Variants in DNAL1 observed in about 807,000 individuals in gnomAD.
DNAL1 encodes the protein dynein axonemal light chain 1.
In DNAL1, 17 loss-of-function variants were observed where a neutral mutation model predicts 29.4. The ratio of observed to expected loss-of-function variants is 0.58; its 90% CI spans 0.40 to 0.87. DNAL1 has a LOEUF of 0.87. Among genes scored for constraint, DNAL1 ranks in the 40% least tolerant of loss-of-function variants. The probability of loss-of-function intolerance (pLI) is 0.00; values close to 1 mark genes in which losing one functional copy is unlikely to be tolerated. For missense variants in DNAL1, 188 were observed against 214.1 expected, an observed-to-expected ratio of 0.88 and a Z score of 0.76; for synonymous variants, 78 against 76.3, an observed-to-expected ratio of 1.02 and a Z score of -0.12.
At chr14:73,665,740 G>A (rs1200160806) in intron 4 of DNAL1, among the ~76,000 whole-genome samples, 1 of 151,342 alleles carries the variant, frequency 6.6e-6, no homozygotes, top group African/African-American at 2.4e-5. Context: ...GCAGTGAGCT[G>A]AGATCACGCT....
At chr14:73,645,809 C>A (rs1387361077) in intron 1 of DNAL1, among the ~76,000 whole-genome samples, 2 of 152,176 alleles carry the variant, frequency 1.3e-5, no homozygotes, top group South Asian at 2.1e-4. Context: ...TCAACTCTTA[C>A]TTGATGTGTT....
At chr14:73,677,990 G>A (rs1235456488) in intron 5 of DNAL1, among the ~76,000 whole-genome samples, 3 of 151,136 alleles carry the variant, frequency 2.0e-5, no homozygotes, top group Non-Finnish European at 4.4e-5. Flanking sequence ...TCGACCTCCT[G>A]GGCTTAAGTG....
intron 5 of DNAL1, among the ~76,000 whole-genome samples, chr14:73,685,220 A>T (rs1027318620): frequency 1.3e-5 from 2 of 151,856 alleles, no homozygotes; most frequent in South Asian, 2.1e-4. Context: ...CATCTCCAGA[A>T]CTCTCTTCAT....
At position 73,700,973 on chromosome 14, in the gene DNAL1, A is replaced by G. The variant is rs953250013; in HGVS notation, c.*5031A>G. The stretch of plus-strand genomic sequence containing the variant: ...AAATCAAGGGTCATGTTTTAAAATC[A>G]TGGAACTTTTAGAAATACCATATCT... On this transcript the variant is annotated 3_prime_UTR_variant, in exon 8 of 8. Transcript: ENST00000553645. 2 of 152,226 alleles carry G rather than the reference A, an allele frequency of 1.3e-5. No individual in the cohort carries two copies. Among genetic ancestry groups the G allele is most frequent in the Non-Finnish European group, 2.9e-5 (2 of 68,052 alleles). The allele number at this position is 152,226 out of a possible 1,614,324, so 9.4% of individuals were successfully genotyped here.
rs910013363 is a variant in DNAL1 at position 73,701,525 on chromosome 14, A to G, written c.*5583A>G. ...CAGAATAGAAGCTTTGCGAATTATC[A>G]TTCCCACCTCTAGATTTTAAATGAA... On this transcript the variant is annotated 3_prime_UTR_variant, in exon 8 of 8. Transcript: ENST00000553645. 6.6e-6 allele frequency: 1 copy of G among 152,236 alleles called. No individual in the cohort carries two copies. Among genetic ancestry groups the G allele is most frequent in the African/African-American group, 2.4e-5 (1 of 41,462 alleles). The allele number at this position is 152,236 out of a possible 1,614,324, so 9.4% of individuals were successfully genotyped here.
rs1892368307 is a variant in DNAL1, at chr14:73,699,031, A to T, written c.*3089A>T. The T allele has an allele frequency of 6.6e-6, 1 of 152,176 alleles. No individual in the cohort carries two copies. The allele number at this position is 152,176 out of a possible 1,614,324, so 9.4% of individuals were successfully genotyped here. On this transcript the variant is annotated 3_prime_UTR_variant, in exon 8 of 8. Coordinates refer to ENST00000553645, the MANE Select transcript of DNAL1 (RefSeq NM_031427.4). ...GCTGTCCTGTGTGCTTAGGATGTTC[A>T]GCTGCAGCCCTGGCCTCTACCCACT...
intron 4 of DNAL1, among the ~76,000 whole-genome samples, chr14:73,666,035 C>G (rs1458370399): frequency 6.6e-6 from 1 of 152,140 alleles, no homozygotes; most frequent in Non-Finnish European, 1.5e-5. Flanking sequence ...TTTAGTTCTG[C>G]TAGTTACAAA....
At chr14:73,688,976 G>A (rs1317701555) in intron 6 of DNAL1, among the ~76,000 whole-genome samples, 4 of 150,598 alleles carry the variant, frequency 2.7e-5, no homozygotes, top group African/African-American at 9.8e-5. Context: ...CAAACTGAGG[G>A]TTAATGATAT....
intron 5 of DNAL1, among the ~76,000 whole-genome samples, chr14:73,676,963 ATT>A (rs56879277): frequency 1.6e-3 from 201 of 126,608 alleles, no homozygotes; most frequent in African/African-American, 1.8e-3. Flanking sequence ...AGTAGTATTC[ATT>A]TTTTTTTTTT....
chr14:73,686,457 A>C (rs1418223542), intron 5 of DNAL1, among the ~76,000 whole-genome samples: 1 of 152,176 alleles, frequency 6.6e-6, no homozygotes, highest in African/African-American at 2.4e-5. Flanking sequence ...TTAATCCAGC[A>C]CTTTGGGAGG....
intron 6 of DNAL1, among the ~76,000 whole-genome samples, chr14:73,689,038 T>G (rs1359797849): frequency 1.4e-5 from 2 of 142,196 alleles, no homozygotes; most frequent in South Asian, 2.4e-4. Flanking sequence ...TTTTTTTTTT[T>G]TTTTTTTTTT....
At chr14:73,682,553 CT>C (rs1176796272) in intron 5 of DNAL1, among the ~76,000 whole-genome samples, 3 of 151,678 alleles carry the variant, frequency 2.0e-5, no homozygotes, top group Non-Finnish European at 2.9e-5. Flanking sequence ...GTAATAACAG[CT>C]GGAAACACAC....
At chr14:73,683,326 G>A (rs1891936651) in intron 5 of DNAL1, among the ~76,000 whole-genome samples, 1 of 152,056 alleles carries the variant, frequency 6.6e-6, no homozygotes, top group African/African-American at 2.4e-5. Flanking sequence ...ATGGCTGGTG[G>A]CTCAGTAGGT....
At chr14:73,678,065 A>G (rs2140049227) in intron 5 of DNAL1, among the ~76,000 whole-genome samples, 1 of 150,740 alleles carries the variant, frequency 6.6e-6, no homozygotes, top group South Asian at 2.1e-4. Context: ...CCCAGGTAAT[A>G]TTTTTTATTT....
At chr14:73,662,067 G>T (rs939235745) in intron 4 of DNAL1, 25 bp downstream of exon 4, 9 of 1,531,510 alleles carry the variant, frequency 5.9e-6, no homozygotes, top group Non-Finnish European at 4.4e-6. Context: ...GTAACAGATG[G>T]TTCATGGATT....
intron 7 of DNAL1, among the ~76,000 whole-genome samples, chr14:73,694,669 T>A (rs565494488): frequency 6.6e-6 from 1 of 152,180 alleles, no homozygotes; most frequent in Non-Finnish European, 1.5e-5. Context: ...TGAGGAATAT[T>A]TCTTTATGCT....
At chr14:73,685,442 G>A (rs994426904) in intron 5 of DNAL1, among the ~76,000 whole-genome samples, 2 of 151,422 alleles carry the variant, frequency 1.3e-5, no homozygotes, top group African/African-American at 4.8e-5. Context: ...GCGTGTGTCA[G>A]AATTTCCTTT....
Position 73,656,535 on chromosome 14 carries a change from A to T in DNAL1, c.42+1650A>T, listed in dbSNP as rs563926434. Among the ~76,000 whole-genome samples the T allele has an allele frequency of 8.6e-5, 13 of 151,764 alleles. No homozygotes were observed. In the South Asian group the frequency reaches 2.7e-3, roughly 32 times the overall value. ...TGCAGCCTCAGTGTCCTAGGCTCAA[A>T]CACCTGAGTAGCTGGGACTACAGGT... On this transcript the variant is annotated intron_variant, in intron 2 of 7. Coordinates refer to ENST00000553645, the MANE Select transcript of DNAL1 (RefSeq NM_031427.4).
Position 73,672,723 on chromosome 14 carries a change from T to C in DNAL1, c.264+1126T>C, listed in dbSNP as rs148942500. Among the ~76,000 whole-genome samples, 215 of 151,424 alleles carry C rather than the reference T, an allele frequency of 1.4e-3. 1 individual carries two copies. The highest frequency in any genetic ancestry group is 4.8e-3 in the African/African-American group (200 of 41,332). ...GAATTATTTGTTTTCTAATTGGATA[T>C]GGTGAGTAAAATTCTTAATGATCTG... On this transcript the variant is annotated intron_variant, in intron 5 of 7. Coordinates refer to ENST00000553645, the MANE Select transcript of DNAL1 (RefSeq NM_031427.4).
Sources: allele counts gnomAD v4.1 joint callset (sites outside exome capture counted in the v4.1 genomes callset), GRCh38; gene constraint gnomAD v4.1.1; transcripts MANE v1.5; gene names NCBI Gene and HGNC (gene_info 2026-07-23, HGNC 2026-07-21).